The following GRM5 variants were observed in gnomAD, a reference collection of about 807,000 sequenced individuals.
The protein encoded by GRM5 is metabotropic glutamate receptor 5.
In GRM5, 19 loss-of-function variants were observed where a neutral mutation model predicts 83.1. The observed-to-expected ratio is 0.23, with a 90% CI of 0.16 to 0.34. The LOEUF (loss-of-function observed/expected upper bound fraction) is 0.34, where lower values mean the gene tolerates loss of function less well. Among genes scored for constraint, GRM5 ranks in the 10% least tolerant of loss-of-function variants. GRM5 has a pLI of 1.00. For synonymous variants in GRM5, 675 were observed against 633.6 expected (o/e 1.07, Z -0.98); for missense variants, 1,160 against 1,588.3 (o/e 0.73, Z 4.58).
intron 3 of GRM5, among the ~76,000 whole-genome samples, chr11:88,738,766 C>A (rs1294144778): frequency 6.6e-6 from 1 of 152,076 alleles, no homozygotes; most frequent in Non-Finnish European, 1.5e-5. Context: ...TGAATGAAAT[C>A]ATGACATTTT....
intron 3 of GRM5, among the ~76,000 whole-genome samples, chr11:88,812,126 A>G (rs1468476792): frequency 6.6e-6 from 1 of 152,170 alleles, no homozygotes; most frequent in Non-Finnish European, 1.5e-5. Flanking sequence ...TTGAAATGAT[A>G]ACCTACATTC....
chr11:88,959,260 C>A (rs1410296815), intron 2 of GRM5, among the ~76,000 whole-genome samples: 1 of 151,678 alleles, frequency 6.6e-6, no homozygotes, highest in Non-Finnish European at 1.5e-5. Flanking sequence ...ATGATTGTAG[C>A]AAATTTATAG....
chr11:89,047,177 A>G lies in GRM5; in HGVS notation c.661+35T>C. ...TGAAATTGTAACTGTTGAGTGCATA[A>G]TAATATATACTCGATGTATGCAAAG... On this transcript the variant is annotated intron_variant, in intron 2 of 9. Transcript: ENST00000305447. The surrounding 1 kb of genome is among the most constrained non-coding windows in gnomAD (Gnocchi z 5.1). The G allele has an allele frequency of 6.8e-7, 1 of 1,477,456 alleles. No individual in the cohort carries two copies. The highest frequency in any genetic ancestry group is 1.3e-5 in the South Asian group (1 of 79,950). The allele number at this position is 1,477,456 out of a possible 1,614,324, so 91.5% of individuals were successfully genotyped here.
At chr11:88,536,967 T>C (rs1269546411) in intron 8 of GRM5, among the ~76,000 whole-genome samples, 1 of 152,168 alleles carries the variant, frequency 6.6e-6, no homozygotes, top group Non-Finnish European at 1.5e-5. Flanking sequence ...ATTCAGCAGA[T>C]AAGGAAACTG....
At chr11:88,681,828 C>G (rs1378923224) in intron 3 of GRM5, among the ~76,000 whole-genome samples, 1 of 151,880 alleles carries the variant, frequency 6.6e-6, no homozygotes, top group Non-Finnish European at 1.5e-5. Flanking sequence ...CTCAGCCTCC[C>G]AAAGTGCTGA....
chr11:88,893,882 G>T (rs1945188014), intron 2 of GRM5, among the ~76,000 whole-genome samples: 1 of 151,974 alleles, frequency 6.6e-6, no homozygotes. Flanking sequence ...TGATAGAGGA[G>T]TTAAGAAGAA....
intron 3 of GRM5, among the ~76,000 whole-genome samples, chr11:88,768,023 A>T (rs1942656715): frequency 6.6e-6 from 1 of 151,976 alleles, no homozygotes; most frequent in African/African-American, 2.4e-5. Flanking sequence ...TGCTGTGGCA[A>T]ACAGTATGAT....
intron 3 of GRM5, among the ~76,000 whole-genome samples, chr11:88,724,069 T>C: frequency 6.6e-6 from 1 of 152,286 alleles, no homozygotes; most frequent in Middle Eastern, 3.4e-3. Flanking sequence ...TTCAAATCCT[T>C]AATATAATCT....
At chr11:88,601,081 AAAG>A (rs1253387652) in intron 5 of GRM5, among the ~76,000 whole-genome samples, 1 of 152,250 alleles carries the variant, frequency 6.6e-6, no homozygotes, top group Non-Finnish European at 1.5e-5. Flanking sequence ...TAAGAAAAAA[AAAG>A]AAGGTAAATT....
chr11:88,595,137 A>T (rs993974617), intron 6 of GRM5, among the ~76,000 whole-genome samples: 21 of 152,132 alleles, frequency 1.4e-4, no homozygotes, highest in Admixed American at 4.6e-4. Context: ...CAATTGACAC[A>T]TAATAATTGT....
chr11:88,751,116 G>T (rs1023757695), intron 3 of GRM5, among the ~76,000 whole-genome samples: 4 of 135,034 alleles, frequency 3.0e-5, no homozygotes, highest in Non-Finnish European at 6.2e-5. Flanking sequence ...AATCAGAGTG[G>T]AAATAAAGGA....
At chr11:88,935,115 T>C (rs1252327038) in intron 2 of GRM5, among the ~76,000 whole-genome samples, 3 of 151,932 alleles carry the variant, frequency 2.0e-5, no homozygotes, top group Admixed American at 6.6e-5. Context: ...AATTAGGACA[T>C]ATAAGGATTT....
chr11:89,055,019 TC>T (rs1019391902), intron 1 of GRM5, among the ~76,000 whole-genome samples: 3 of 152,224 alleles, frequency 2.0e-5, no homozygotes, highest in Non-Finnish European at 4.4e-5. Context: ...TGCAACTTTC[TC>T]CCTTGAGACC....
At chr11:89,056,059 T>G (rs1941867262) in intron 1 of GRM5, among the ~76,000 whole-genome samples, 1 of 152,148 alleles carries the variant, frequency 6.6e-6, no homozygotes, top group African/African-American at 2.4e-5. Context: ...GTACCAATAT[T>G]TAATTATTCC....
At chr11:88,848,563 G>T (rs914523016) in intron 3 of GRM5, among the ~76,000 whole-genome samples, 1 of 152,128 alleles carries the variant, frequency 6.6e-6, no homozygotes, top group Non-Finnish European at 1.5e-5. Flanking sequence ...CACTGGCTAC[G>T]TGTTAATAAA....
chr11:88,753,219 T>C (rs1482063058), intron 3 of GRM5, among the ~76,000 whole-genome samples: 3 of 152,034 alleles, frequency 2.0e-5, no homozygotes, highest in African/African-American at 7.2e-5. Context: ...ACAAAAATCT[T>C]ATATCCAGAT....
chr11:88,528,634 C>T (rs182089126), intron 8 of GRM5, among the ~76,000 whole-genome samples: 1 of 151,746 alleles, frequency 6.6e-6, no homozygotes, highest in East Asian at 1.9e-4. Context: ...TACTAAAACA[C>T]CCATACACTC....
At chr11:88,793,722 G>T (rs923242102) in intron 3 of GRM5, among the ~76,000 whole-genome samples, 1 of 152,210 alleles carries the variant, frequency 6.6e-6, no homozygotes, top group Non-Finnish European at 1.5e-5. Context: ...GGCCAATACG[G>T]GAGTCAGGAA....
chr11:88,538,953 A>G (rs1253897719), intron 8 of GRM5, among the ~76,000 whole-genome samples: 1 of 152,218 alleles, frequency 6.6e-6, no homozygotes. Flanking sequence ...TAAGGGATAC[A>G]GGTAACTGTA....
Sources: allele counts gnomAD v4.1 joint callset (sites outside exome capture counted in the v4.1 genomes callset), GRCh38; gene constraint gnomAD v4.1.1; non-coding constraint Gnocchi (gnomAD v3.1); transcripts MANE v1.5; gene names NCBI Gene and HGNC (gene_info 2026-07-23, HGNC 2026-07-21).